ROBO2: variants seen among roughly 807,000 people sequenced by gnomAD.
The protein encoded by ROBO2 is roundabout homolog 2.
Under a neutral mutation model 160.8 loss-of-function variants are expected in ROBO2, and 53 were observed. The ratio of observed to expected loss-of-function variants is 0.33; its 90% CI spans 0.26 to 0.41. The LOEUF (loss-of-function observed/expected upper bound fraction) is 0.41, where lower values mean the gene tolerates loss of function less well. Among genes scored for constraint, ROBO2 ranks in the 10% least tolerant of loss-of-function variants. The pLI is 1.00. For missense variants in ROBO2, 1,577 were observed against 1,722.4 expected, an observed-to-expected ratio of 0.92 and a Z score of 1.49; for synonymous variants, 664 against 611.7, an observed-to-expected ratio of 1.09 and a Z score of -1.26.
rs148405347 is a variant in ROBO2 at position 77,092,844 on chromosome 3, G to C, written c.62-5170G>C. ...TTATATGGGCAATAATAACATTGCT[G>C]TCAAACTAATTTTCATTTGAAATCT... On this transcript the variant is annotated intron_variant, in intron 1 of 25. Coordinates refer to ENST00000461745, the Ensembl canonical transcript of ROBO2. 8.2e-4 allele frequency among the ~76,000 whole-genome samples: 123 copies of C among 150,514 alleles called. 1 individual carries two copies. Among genetic ancestry groups the C allele is most frequent in the African/African-American group, 2.9e-3 (121 of 41,192 alleles).
intron 2 of ROBO2, among the ~76,000 whole-genome samples, chr3:76,022,984 G>C (rs1053374972): frequency 1.3e-5 from 2 of 151,732 alleles, no homozygotes; most frequent in African/African-American, 4.8e-5. Context: ...AGATTTACTG[G>C]ATTATGTGCT....
intron 2 of ROBO2, among the ~76,000 whole-genome samples, chr3:76,348,740 GAGA>G (rs1285511663): frequency 6.6e-6 from 1 of 152,112 alleles, no homozygotes; most frequent in African/African-American, 2.4e-5. Context: ...TTTATCCACA[GAGA>G]AGGTTTGGCA....
intron 19 of ROBO2, among the ~76,000 whole-genome samples, chr3:77,597,953 C>A (rs946218506): frequency 2.0e-5 from 3 of 152,052 alleles, no homozygotes; most frequent in Non-Finnish European, 4.4e-5. Context: ...GAGGAGAATG[C>A]TGGGATCCAA....
At chr3:77,619,329 C>G (rs1016449443) in intron 22 of ROBO2, among the ~76,000 whole-genome samples, 5 of 152,138 alleles carry the variant, frequency 3.3e-5, no homozygotes, top group African/African-American at 7.2e-5. Context: ...TCCCCAAGAC[C>G]ACCCTGAAGT....
chr3:76,486,008 A>G (rs367643689), intron 2 of ROBO2, among the ~76,000 whole-genome samples: 67 of 152,306 alleles, frequency 4.4e-4, no homozygotes, highest in Middle Eastern at 3.4e-3. Context: ...CCTCAGTTCA[A>G]TCACTCTCCA....
chr3:76,513,549 T>C (rs2081205834), intron 2 of ROBO2, among the ~76,000 whole-genome samples: 1 of 152,094 alleles, frequency 6.6e-6, no homozygotes. Context: ...GGATTGCAGG[T>C]GTGAGCCACC....
At chr3:77,414,390 A>AG (rs2077044371) in intron 2 of ROBO2, among the ~76,000 whole-genome samples, 1 of 152,234 alleles carries the variant, frequency 6.6e-6, no homozygotes, top group Admixed American at 6.5e-5. Flanking sequence ...ATACCACACT[A>AG]GTGTCCTGCA....
chr3:77,032,228 C>T (rs1197710477), intron 2 of ROBO2, among the ~76,000 whole-genome samples: 2 of 152,152 alleles, frequency 1.3e-5, no homozygotes, highest in Non-Finnish European at 2.9e-5. Context: ...GTTGAGAAAT[C>T]ACTGCTGGCG....
intron 2 of ROBO2, among the ~76,000 whole-genome samples, chr3:76,268,315 A>G (rs112433066): frequency 0.018 from 2,696 of 152,222 alleles, 79 homozygotes; most frequent in African/African-American, 0.061. Flanking sequence ...GCTATAAGCT[A>G]GCTGCCTGTT....
At chr3:76,549,293 A>G (rs2083285195) in intron 2 of ROBO2, among the ~76,000 whole-genome samples, 1 of 152,160 alleles carries the variant, frequency 6.6e-6, no homozygotes. Flanking sequence ...TCTTTTCCCC[A>G]AAGTCTTTTA....
At chr3:76,940,534 C>T (rs928416255) in intron 2 of ROBO2, among the ~76,000 whole-genome samples, 4 of 152,116 alleles carry the variant, frequency 2.6e-5, no homozygotes, top group African/African-American at 9.7e-5. Context: ...AAATTGTATT[C>T]ATTTTAAAAT....
chr3:76,269,350 T>C (rs1707288895), intron 2 of ROBO2, among the ~76,000 whole-genome samples: 1 of 152,082 alleles, frequency 6.6e-6, no homozygotes, highest in South Asian at 2.1e-4. Flanking sequence ...AGCTTTACAA[T>C]GTTGACCTCT....
At chr3:77,127,049 A>G (rs564141213) in intron 2 of ROBO2, among the ~76,000 whole-genome samples, 4 of 150,676 alleles carry the variant, frequency 2.7e-5, no homozygotes, top group South Asian at 2.1e-4. Context: ...TTGGCCTCCC[A>G]AAGTGCTGGG....
chr3:76,087,069 A>C (rs1375191931), intron 2 of ROBO2, among the ~76,000 whole-genome samples: 1 of 152,066 alleles, frequency 6.6e-6, no homozygotes, highest in Non-Finnish European at 1.5e-5. Flanking sequence ...CATAAAGGAA[A>C]TACAAGAAGA....
At chr3:77,270,961 C>T (rs973218327) in intron 2 of ROBO2, among the ~76,000 whole-genome samples, 62 of 144,818 alleles carry the variant, frequency 4.3e-4, no homozygotes, top group African/African-American at 1.3e-3. Context: ...AAAAAAAAAA[C>T]GGTTTCTATG....
chr3:76,012,719 TTATC>T (rs2066231342), intron 2 of ROBO2, among the ~76,000 whole-genome samples: 1 of 152,200 alleles, frequency 6.6e-6, no homozygotes, highest in African/African-American at 2.4e-5. Flanking sequence ...GGTATATAAT[TTATC>T]TAAGCTCCAG....
chr3:76,170,138 T>A (rs181192139), intron 2 of ROBO2, among the ~76,000 whole-genome samples: 1 of 152,212 alleles, frequency 6.6e-6, no homozygotes, highest in East Asian at 1.9e-4. Flanking sequence ...TTTTCTTCAG[T>A]CATTTTAAAG....
chr3:77,143,830 T>G (rs914973690), intron 2 of ROBO2, among the ~76,000 whole-genome samples: 1 of 152,118 alleles, frequency 6.6e-6, no homozygotes, highest in African/African-American at 2.4e-5. Context: ...TTTTTTAGTA[T>G]TCTGGTGCCT....
chr3:76,680,085 A>G (rs2092516071), intron 2 of ROBO2, among the ~76,000 whole-genome samples: 1 of 152,144 alleles, frequency 6.6e-6, no homozygotes. Context: ...AAAGATGATT[A>G]GAAATCTTAA....
Sources: allele counts gnomAD v4.1 joint callset (sites outside exome capture counted in the v4.1 genomes callset), GRCh38; gene constraint gnomAD v4.1.1; transcripts MANE v1.5; gene names NCBI Gene and HGNC (gene_info 2026-07-23, HGNC 2026-07-21).